The following LEPR variants were observed in gnomAD, a reference collection of about 807,000 sequenced individuals.
LEPR encodes the protein OB receptor.
In LEPR, 56 loss-of-function variants were observed where a neutral mutation model predicts 114.7. That is an observed-to-expected ratio of 0.49 (90% CI 0.39 to 0.61). The LOEUF (loss-of-function observed/expected upper bound fraction) is 0.61. Ranked by LOEUF, LEPR falls within the 20% of genes least tolerant of loss-of-function variation. The pLI, the probability that LEPR is intolerant of heterozygous loss-of-function variation, is 0.00. For missense variants in LEPR, 1,202 were observed against 1,352.9 expected (o/e 0.89, Z 1.75); for synonymous variants, 443 against 461.4 (o/e 0.96, Z 0.51).
At chr1:65,530,996 T>G (rs1650353439) in intron 2 of LEPR, among the ~76,000 whole-genome samples, 1 of 152,214 alleles carries the variant, frequency 6.6e-6, no homozygotes, top group African/African-American at 2.4e-5. Flanking sequence ...AGAGCACTCC[T>G]TTTATAATGC....
Position 65,570,587 on chromosome 1 carries a change from G to T in LEPR, c.155G>T (p.Gly52Val), listed in dbSNP as rs764219691. The change falls in exon 4 of 20, where the codon GGA becomes GTA. Residue 52 changes from glycine to valine, a missense_variant. Gly to Val is a moderately radical substitution (Grantham distance 109, BLOSUM62 -3). Transcript: ENST00000349533. ...TATGACTACTTCCTTTTGCCTGCTG[G>T]ACTCTCAAAGAATACTTCAAATTCG... Reference protein sequence around the residue: ...STYDYFLLPAGLSKNTSNSNG... With the variant: ...STYDYFLLPAVLSKNTSNSNG... The T allele has an allele frequency of 1.2e-6, 2 of 1,613,896 alleles. No individual in the cohort carries two copies. Among genetic ancestry groups the T allele is most frequent in the Non-Finnish European group, 1.7e-6 (2 of 1,179,928 alleles).
chr1:65,443,532 G>A (rs1487890476), intron 2 of LEPR, among the ~76,000 whole-genome samples: 1 of 151,254 alleles, frequency 6.6e-6, no homozygotes, highest in Non-Finnish European at 1.5e-5. Context: ...TTTTTTGCTG[G>A]GTATATAAGC....
intron 2 of LEPR, among the ~76,000 whole-genome samples, chr1:65,460,723 G>C (rs1262583940): frequency 6.6e-6 from 1 of 151,782 alleles, no homozygotes; most frequent in Non-Finnish European, 1.5e-5. Flanking sequence ...CGGGCTTGGT[G>C]GTGTGCACCT....
intron 2 of LEPR, among the ~76,000 whole-genome samples, chr1:65,455,816 C>G (rs1394959588): frequency 1.2e-4 from 19 of 152,200 alleles, no homozygotes; most frequent in Non-Finnish European, 2.6e-4. Flanking sequence ...CCACCCAGTT[C>G]GAGCTTCCTG....
At chr1:65,423,407 A>G (rs551093499) in intron 1 of LEPR, among the ~76,000 whole-genome samples, 4 of 152,298 alleles carry the variant, frequency 2.6e-5, no homozygotes, top group African/African-American at 9.6e-5. Flanking sequence ...AAACAGAAAG[A>G]TGGTTGTGAA....
At chr1:65,431,221 C>T (rs1410890675) in intron 2 of LEPR, among the ~76,000 whole-genome samples, 2 of 152,166 alleles carry the variant, frequency 1.3e-5, no homozygotes, top group African/African-American at 4.8e-5. Context: ...CCTTTCAATA[C>T]TGCCATCATA....
chr1:65,598,636 A>T (rs1656241917), intron 7 of LEPR, 24 bp from the exon 8 acceptor site: 1 of 1,611,768 alleles, frequency 6.2e-7, no homozygotes, highest in Admixed American at 1.7e-5. Context: ...TGATGTTCTG[A>T]TGTTTTAATA....
At chr1:65,459,258 C>A (rs1646915590) in intron 2 of LEPR, among the ~76,000 whole-genome samples, 1 of 152,150 alleles carries the variant, frequency 6.6e-6, no homozygotes, top group East Asian at 1.9e-4. Flanking sequence ...GTGGTAGTTA[C>A]CGAGAAGCCA....
At position 65,606,946 on chromosome 1, in the gene LEPR, G is replaced by T. The variant is rs115210619; in HGVS notation, c.1603+1709G>T. Among the ~76,000 whole-genome samples the T allele has an allele frequency of 7.2e-3, 1,090 of 152,254 alleles. 20 individuals carry two copies. The highest frequency in any genetic ancestry group is 0.026 in the African/African-American group (1,062 of 41,544). On this transcript the variant is annotated intron_variant, in intron 11 of 19. Transcript: ENST00000349533. ...AATGATTTTAAAATACCATATGAAA[G>T]GGAGACTATACCTTTACACAGTGTT...
intron 5 of LEPR, 74 bp from the exon 6 acceptor site, chr1:65,592,583 T>G: frequency 2.6e-6 from 4 of 1,527,972 alleles, no homozygotes; most frequent in Non-Finnish European, 3.6e-6. Flanking sequence ...AATTAGTATT[T>G]AGTATCCTGC....
chr1:65,440,000 CAAA>C (rs550347312), intron 2 of LEPR, among the ~76,000 whole-genome samples: 4 of 58,140 alleles, frequency 6.9e-5, no homozygotes, highest in Admixed American at 2.5e-4. Flanking sequence ...GATTCTGTCT[CAAA>C]AAAAAAAAAA....
intron 2 of LEPR, among the ~76,000 whole-genome samples, chr1:65,483,011 G>A (rs938699165): frequency 3.3e-5 from 5 of 150,560 alleles, no homozygotes; most frequent in South Asian, 4.2e-4. Context: ...AAAAGTAAAT[G>A]TGGAAGGTAA....
Position 65,633,235 on chromosome 1 carries a change from G to A in LEPR, c.2674-2956G>A. 6.3e-7 allele frequency: 1 copy of A among 1,588,674 alleles called. No homozygotes were observed. Among genetic ancestry groups the A allele is most frequent in the South Asian group, 1.2e-5 (1 of 85,090 alleles). ...CTTCCCAACAGTCTATAGAGTATTA[G>A]AAGATTTTTACATTTTGAAGAAGGG... On this transcript the variant is annotated intron_variant, in intron 19 of 19. Coordinates refer to ENST00000349533, the MANE Select transcript of LEPR (RefSeq NM_002303.6). The surrounding 1 kb of genome is among the most constrained non-coding windows in gnomAD (Gnocchi z 4.1).
chr1:65,632,325 G>A (rs919770590), intron 19 of LEPR, among the ~76,000 whole-genome samples: 1 of 152,166 alleles, frequency 6.6e-6, no homozygotes, highest in Non-Finnish European at 1.5e-5. Flanking sequence ...GGGCCTAGAA[G>A]TGTGTATTTC....
chr1:65,535,836 A>C (rs759362234), intron 2 of LEPR, among the ~76,000 whole-genome samples: 2 of 152,164 alleles, frequency 1.3e-5, no homozygotes, highest in African/African-American at 2.4e-5. Context: ...TTTACTGACC[A>C]GAGGTTCTGT....
chr1:65,609,037 G>T lies in LEPR; in HGVS notation c.1752+136G>T. On this transcript the variant is annotated intron_variant, in intron 12 of 19. Transcript: ENST00000349533. ...ATTGTGTAGCTATTTTCATTAAATA[G>T]ATTTATCTAAGTCTAACTTTTTTAA... 8 of 1,186,790 alleles carry T rather than the reference G, an allele frequency of 6.7e-6. 1 individual carries two copies. Among genetic ancestry groups the T allele is most frequent in the Non-Finnish European group, 7.0e-6 (6 of 851,536 alleles). 73.5% of individuals were successfully genotyped at this position (1,186,790 alleles called of 1,614,324 possible).
chr1:65,524,380 C>G (rs1413183425), intron 2 of LEPR, among the ~76,000 whole-genome samples: 1 of 152,136 alleles, frequency 6.6e-6, no homozygotes, highest in East Asian at 1.9e-4. Flanking sequence ...GCTGAAAGCC[C>G]ATTTAGTACA....
intron 2 of LEPR, among the ~76,000 whole-genome samples, chr1:65,551,020 A>G (rs1431089015): frequency 6.6e-6 from 1 of 151,890 alleles, no homozygotes; most frequent in Non-Finnish European, 1.5e-5. Context: ...GATTATGTTT[A>G]TTGATTTGTG....
At chr1:65,485,708 T>C (rs1256442836) in intron 2 of LEPR, among the ~76,000 whole-genome samples, 2 of 152,184 alleles carry the variant, frequency 1.3e-5, no homozygotes, top group South Asian at 2.1e-4. Flanking sequence ...TTAGTCACAA[T>C]AGATCCTATA....
Sources: allele counts gnomAD v4.1 joint callset (sites outside exome capture counted in the v4.1 genomes callset), GRCh38; gene constraint gnomAD v4.1.1; non-coding constraint Gnocchi (gnomAD v3.1); transcripts MANE v1.5; gene names NCBI Gene and HGNC (gene_info 2026-07-23, HGNC 2026-07-21).